The following ACO1 variants were observed in gnomAD, a reference collection of about 807,000 sequenced individuals.
ACO1 encodes cytoplasmic aconitate hydratase.
ACO1 carries 78 observed loss-of-function variants against 105.1 expected under a neutral mutation model. The observed-to-expected ratio is 0.74, with a 90% CI of 0.62 to 0.90. The LOEUF is 0.90. Among genes scored for constraint, ACO1 ranks in the 40% least tolerant of loss-of-function variants. The pLI, the probability that ACO1 is intolerant of heterozygous loss-of-function variation, is 0.00. For missense variants in ACO1, 965 were observed against 1,111.1 expected (o/e 0.87, Z 1.87); for synonymous variants, 364 against 397.4 (o/e 0.92, Z 1.00).
In ACO1 at chr9:32,450,643, C is replaced by T. The variant is rs1822744252; in HGVS notation, c.*532C>T. 6.2e-6 allele frequency: 1 copy of T among 160,564 alleles called. No homozygotes were observed. The highest frequency in any genetic ancestry group is 2.4e-5 in the African/African-American group (1 of 41,510). 9.9% of individuals were successfully genotyped at this position (160,564 alleles called of 1,614,324 possible). Reference sequence around the variant, plus strand: ...TCTCCCCTTTTCCTTCAGAGTGAATCATCCAGACTCCTCATGGATAGGTCG... The same window carrying T: ...TCTCCCCTTTTCCTTCAGAGTGAATTATCCAGACTCCTCATGGATAGGTCG... On this transcript the variant is annotated 3_prime_UTR_variant, in exon 21 of 21. Coordinates refer to ENST00000309951, the MANE Select transcript of ACO1 (RefSeq NM_002197.3).
At chr9:32,425,792 TTATA>T in intron 10 of ACO1, 42 bp from the exon 11 acceptor site, 3 of 1,343,698 alleles carry the variant, frequency 2.2e-6, no homozygotes, top group Non-Finnish European at 3.1e-6. Context: ...CATGTATATC[TTATA>T]TAAATATATT....
chr9:32,400,558 A>G lies in ACO1; in HGVS notation c.-22-4927A>G, dbSNP rs1002594436. On this transcript the variant is annotated intron_variant, in intron 1 of 20. Coordinates refer to ENST00000309951, the MANE Select transcript of ACO1 (RefSeq NM_002197.3). The stretch of plus-strand genomic sequence containing the variant: ...GTGGACTTTATCTGGAGTTATAGTC[A>G]CAAATTTAAATACATCTTCACCAGT... Among the ~76,000 whole-genome samples, 7 of 152,332 alleles carry G rather than the reference A, an allele frequency of 4.6e-5. No individual in the cohort carries two copies. In the East Asian group the frequency reaches 1.4e-3, roughly 29 times the overall value.
rs961320426 is a variant in ACO1, at chr9:32,424,758, T to G, written c.1188+93T>G. 9.5e-6 allele frequency: 8 copies of G among 840,028 alleles called. No homozygotes were observed. The African/African-American group carries it at 1.4e-4, about 14-fold the overall frequency. The allele number at this position is 840,028 out of a possible 1,614,324, so 52.0% of individuals were successfully genotyped here. On this transcript the variant is annotated intron_variant, in intron 10 of 20. Coordinates refer to ENST00000309951, the MANE Select transcript of ACO1 (RefSeq NM_002197.3). ...GCTTTCATCCCACTTGACATGAATC[T>G]TCCTGTAGCCTGAAGCTTGAGGGTG...
intron 3 of ACO1, among the ~76,000 whole-genome samples, chr9:32,407,977 T>A (rs1490374277): frequency 1.3e-5 from 2 of 152,240 alleles, no homozygotes; most frequent in East Asian, 3.8e-4. Flanking sequence ...TTAATTGATG[T>A]TATTTTATTC....
At chr9:32,424,384 T>G (rs545403028) in intron 9 of ACO1, among the ~76,000 whole-genome samples, 165 bp from the exon 10 acceptor site, 11 of 152,338 alleles carry the variant, frequency 7.2e-5, no homozygotes, top group African/African-American at 2.6e-4. Flanking sequence ...TCACTTAAGA[T>G]TAATTAAGAG....
intron 15 of ACO1, 142 bp downstream of exon 15, chr9:32,431,985 G>T: frequency 1.0e-6 from 1 of 1,000,716 alleles, no homozygotes; most frequent in South Asian, 2.1e-5. Flanking sequence ...TGGGGAGGTG[G>T]TTCTCCGTCA....
Position 32,450,038 on chromosome 9 carries a change from A to G in ACO1, c.2597A>G (p.Asp866Gly), listed in dbSNP as rs1822722493. 1 of 1,613,956 alleles carries G rather than the reference A, an allele frequency of 6.2e-7. No individual in the cohort carries two copies. The highest frequency in any genetic ancestry group is 8.5e-7 in the Non-Finnish European group (1 of 1,180,024). ...ACCTTCCAGGCTGTCATGAGGTTTG[A>G]CACTGATGTGGAGCTCACTTATTTC... Reference protein sequence around the residue: ...GKTFQAVMRFDTDVELTYFLN... With the variant: ...GKTFQAVMRFGTDVELTYFLN... Residue 866 changes from aspartate (D) to glycine (G), a missense_variant, in exon 21 of 21, where the codon GAC becomes GGC. Asp to Gly is a moderately conservative substitution (Grantham distance 94). Transcript: ENST00000309951.
chr9:32,433,871 AGGG>A, intron 16 of ACO1, 39 bp downstream of exon 16: 1 of 1,478,318 alleles, frequency 6.8e-7, no homozygotes, highest in Non-Finnish European at 9.3e-7. Context: ...AATTCTTTGA[AGGG>A]TTTCTTTCCT....
intron 6 of ACO1, 40 bp from the exon 7 acceptor site, chr9:32,418,998 G>A (rs1821911108): frequency 6.5e-7 from 1 of 1,529,842 alleles, no homozygotes; most frequent in East Asian, 2.4e-5. Context: ...TAGAGTAAGG[G>A]GTAATGAAGG....
At chr9:32,448,782 C>G in intron 19 of ACO1, 114 bp from the exon 20 acceptor site, 1 of 1,069,170 alleles carries the variant, frequency 9.4e-7, no homozygotes, top group Non-Finnish European at 1.4e-6. Flanking sequence ...GAGCTGCAGA[C>G]TGGAGCTGTT....
intron 4 of ACO1, among the ~76,000 whole-genome samples, chr9:32,411,484 C>T (rs1057021500): frequency 6.6e-6 from 1 of 152,110 alleles, no homozygotes; most frequent in Non-Finnish European, 1.5e-5. Flanking sequence ...GAGAAAATAA[C>T]TTGAAAAATA....
Position 32,449,899 on chromosome 9 carries a change from G to C in ACO1, c.2557-99G>C, listed in dbSNP as rs1371884911. ...CTCATGTGCTGCTGGTGTTACTGAA[G>C]TGTGGACCACACCTGAGGGGCAGGC... On this transcript the variant is annotated intron_variant, in intron 20 of 20. Transcript: ENST00000309951. The C allele has an allele frequency of 4.7e-6, 4 of 845,964 alleles. No individual in the cohort carries two copies. The African/African-American group carries it at 6.6e-5, about 14-fold the overall frequency. The allele number at this position is 845,964 out of a possible 1,614,324, so 52.4% of individuals were successfully genotyped here. A position where few individuals can be genotyped will look rare whatever the true frequency, so the allele number is the denominator to read the frequency against.
chr9:32,432,045 T>A (rs1822251315), intron 15 of ACO1, among the ~76,000 whole-genome samples: 2 of 152,168 alleles, frequency 1.3e-5, no homozygotes, highest in African/African-American at 4.8e-5. Context: ...CCCCAGATGT[T>A]CCCAGATTTG....
rs1372498444 is a variant in ACO1, at chr9:32,397,476, C to A, written c.-22-8009C>A. ...GTTTCTAGCTCTCTTATGAAAGAAC[C>A]CAGTTGACAAGCCTTGGTGATATTG... On this transcript the variant is annotated intron_variant, in intron 1 of 20. Transcript: ENST00000309951. Among the ~76,000 whole-genome samples the A allele has an allele frequency of 7.9e-5, 12 of 152,176 alleles. No individual in the cohort carries two copies. The East Asian group carries it at 1.9e-3, about 24-fold the overall frequency.
intron 19 of ACO1, among the ~76,000 whole-genome samples, chr9:32,444,583 G>A (rs916892361): frequency 2.0e-5 from 3 of 152,306 alleles, no homozygotes; most frequent in Middle Eastern, 3.4e-3. Flanking sequence ...CAGTGAGGAT[G>A]AGCATTTTTT....
At chr9:32,433,853 A>T (rs760924021) in intron 16 of ACO1, 21 bp downstream of exon 16, 60 of 1,539,404 alleles carry the variant, frequency 3.9e-5, no homozygotes, top group Non-Finnish European at 5.2e-5. Flanking sequence ...TTATTTTTTA[A>T]CAAAATGAAT....
At position 32,450,960 on chromosome 9, in the gene ACO1, C is replaced by G. The variant is rs956007125; in HGVS notation, c.*849C>G. 1 of 150,680 alleles carries G rather than the reference C, an allele frequency of 6.6e-6. No individual in the cohort carries two copies. The highest frequency in any genetic ancestry group is 6.6e-5 in the Admixed American group (1 of 15,240). 9.3% of individuals were successfully genotyped at this position (150,680 alleles called of 1,614,324 possible). ...TTCATATTCTCCCATTTTTACAACT[C>G]TATCAGAACTGTACGGGTATAACGG... On this transcript the variant is annotated 3_prime_UTR_variant, in exon 21 of 21. Transcript: ENST00000309951.
At chr9:32,441,291 G>C (rs547649536) in intron 19 of ACO1, among the ~76,000 whole-genome samples, 1 of 152,256 alleles carries the variant, frequency 6.6e-6, no homozygotes, top group East Asian at 1.9e-4. Flanking sequence ...TTGAGCATTT[G>C]CTTGCCCTAA....
At chr9:32,394,293 C>T (rs971934091) in intron 1 of ACO1, among the ~76,000 whole-genome samples, 2 of 152,144 alleles carry the variant, frequency 1.3e-5, no homozygotes, top group Admixed American at 6.5e-5. Flanking sequence ...GGTGCTTTTC[C>T]CTGGTGGTTC....
Sources: gnomAD v4.1 joint callset for allele counts (sites outside exome capture counted in the v4.1 genomes callset) on GRCh38, gnomAD v4.1.1 for gene constraint, MANE v1.5 for transcripts, NCBI Gene and HGNC (gene_info 2026-07-23, HGNC 2026-07-21) for gene names.